ABCC8: variants seen among roughly 807,000 people sequenced by gnomAD.
ABCC8 encodes ATP binding cassette subfamily C member 8.
A neutral mutation model predicts 188.0 loss-of-function variants in ABCC8; 137 were observed. The observed-to-expected ratio is 0.73, with a 90% CI of 0.63 to 0.84. The LOEUF is 0.84. Ranked by LOEUF, ABCC8 falls within the 40% of genes least tolerant of loss-of-function variation. The pLI, the probability that ABCC8 is intolerant of heterozygous loss-of-function variation, is 0.00. For synonymous variants in ABCC8, 797 were observed against 846.5 expected (o/e 0.94, Z 1.01); for missense variants, 1,750 against 2,072.7 (o/e 0.84, Z 3.02).
chr11:17,396,708 A>G, intron 33 of ABCC8: 1 of 633,038 alleles, frequency 1.6e-6, no homozygotes, highest in Admixed American at 2.9e-5. Flanking sequence ...TGAGAAGACA[A>G]GGCCTGAGGG....
intron 10 of ABCC8, among the ~76,000 whole-genome samples, chr11:17,434,719 G>A (rs1956001558): frequency 6.6e-6 from 1 of 151,640 alleles, no homozygotes; most frequent in Non-Finnish European, 1.5e-5. Context: ...TATTTTTGTA[G>A]CTCCCTGAAC....
chr11:17,404,624 A>T lies in ABCC8; in HGVS notation c.3445T>A (p.Cys1149Ser), dbSNP rs1209920351. Reference sequence around the variant, plus strand: ...GAGATGACGGCCAGGGCTGAGACACAGAGCAGGGTGGAGCGGCTCAGGCAC... The same window carrying T: ...GAGATGACGGCCAGGGCTGAGACACTGAGCAGGGTGGAGCGGCTCAGGCAC... ...LECLSRSTLL[C>S]VSALAVISYV... The change falls in exon 28 of 39, where the codon TGT becomes AGT. Residue 1149 changes from cysteine to serine, a missense_variant. Physicochemically the swap from Cys to Ser is moderately radical, Grantham distance 112 (BLOSUM62 -1). Coordinates refer to ENST00000389817, the MANE Select transcript of ABCC8 (RefSeq NM_000352.6). The surrounding 1 kb of genome is among the most constrained non-coding windows in gnomAD (Gnocchi z 4.7). 6.2e-7 allele frequency: 1 copy of T among 1,613,628 alleles called. No homozygotes were observed. Among genetic ancestry groups the T allele is most frequent in the Non-Finnish European group, 8.5e-7 (1 of 1,179,914 alleles).
At chr11:17,442,906 G>A in intron 9 of ABCC8, 24 bp from the exon 10 acceptor site, 1 of 1,608,716 alleles carries the variant, frequency 6.2e-7, no homozygotes, top group African/African-American at 1.3e-5. Context: ...CGAGTCAGAG[G>A]GGAGAGGCTT....
intron 5 of ABCC8, chr11:17,461,321 C>T (rs959736584): frequency 3.7e-6 from 2 of 538,102 alleles, no homozygotes; most frequent in African/African-American, 1.9e-5. Context: ...TTCTCAGAGC[C>T]TCAGTTTCCC....
intron 10 of ABCC8, chr11:17,435,699 C>T: frequency 7.2e-7 from 1 of 1,381,152 alleles, no homozygotes; most frequent in South Asian, 1.2e-5. Context: ...CTACAGAGGA[C>T]AGTACAGTAA....
At chr11:17,435,578 G>A in intron 10 of ABCC8, 2 of 1,353,782 alleles carry the variant, frequency 1.5e-6, no homozygotes, top group Admixed American at 1.7e-5. Flanking sequence ...AACAAATAAG[G>A]AGAACTTTTC....
intron 29 of ABCC8, 131 bp from the exon 30 acceptor site, chr11:17,398,572 A>G: frequency 1.3e-6 from 2 of 1,524,524 alleles, no homozygotes; most frequent in Non-Finnish European, 1.8e-6. Flanking sequence ...CACTTCATGT[A>G]AGCTATCCCT....
chr11:17,432,059 TA>T, intron 11 of ABCC8, 144 bp downstream of exon 11: 2 of 1,182,282 alleles, frequency 1.7e-6, no homozygotes, highest in Non-Finnish European at 2.4e-6. Flanking sequence ...ACACCCTCTA[TA>T]AACTTTCGAT....
intron 8 of ABCC8, 166 bp from the exon 9 acceptor site, chr11:17,443,478 G>T: frequency 1.7e-6 from 2 of 1,159,234 alleles, no homozygotes; most frequent in Non-Finnish European, 2.4e-6. Flanking sequence ...GAGAAACAAA[G>T]CAATTTCAAA....
intron 8 of ABCC8, 179 bp from the exon 9 acceptor site, chr11:17,443,491 G>A (rs1956406530): frequency 1.0e-6 from 1 of 984,648 alleles, no homozygotes; most frequent in South Asian, 1.5e-5. Context: ...ATTTCAAAAG[G>A]AGGTTAGCAT....
At chr11:17,405,469 G>C (rs778326316) in intron 27 of ABCC8, 25 bp downstream of exon 27, 1 of 1,614,150 alleles carries the variant, frequency 6.2e-7, no homozygotes, top group Non-Finnish European at 8.5e-7. Flanking sequence ...TGGAAGGGGG[G>C]ATAGTGTGGC....
chr11:17,415,382 G>A (rs2133482411), intron 17 of ABCC8, 43 bp from the exon 18 acceptor site: 1 of 1,601,026 alleles, frequency 6.2e-7, no homozygotes, highest in Non-Finnish European at 8.5e-7. Flanking sequence ...TCATGGGAGT[G>A]AACCATATCC....
intron 17 of ABCC8, 24 bp downstream of exon 17, chr11:17,416,906 T>C (rs1366345116): frequency 6.2e-7 from 1 of 1,613,198 alleles, no homozygotes; most frequent in Admixed American, 1.7e-5. Context: ...GAGACCCACT[T>C]CTGACCCAGT....
At chr11:17,467,495 G>C (rs934908165) in intron 3 of ABCC8, among the ~76,000 whole-genome samples, 1 of 152,112 alleles carries the variant, frequency 6.6e-6, no homozygotes. Context: ...CTTCTGCCTT[G>C]GGGCCTTTGC....
intron 16 of ABCC8, among the ~76,000 whole-genome samples, chr11:17,418,047 C>T (rs965201233): frequency 1.3e-5 from 2 of 152,122 alleles, no homozygotes; most frequent in Non-Finnish European, 2.9e-5. Flanking sequence ...AGTGAGCCAC[C>T]GTGCTCAGCC....
chr11:17,398,397 G>A lies in ABCC8; in HGVS notation c.3695C>T (p.Ser1232Phe). Residue 1232 changes from serine (S) to phenylalanine (F), a missense_variant, in exon 30 of 39, where the codon TCC (serine) becomes TTC (phenylalanine). Ser to Phe is a radical substitution (Grantham distance 155). Coordinates refer to ENST00000389817, the MANE Select transcript of ABCC8 (RefSeq NM_000352.6). ...FQQKLLEYTD[S>F]NNIASLFLTA... ...GAGGAAGAGGGAAGCAATGTTGTTG[G>A]AGTCTGTGTATTCGAGAAGCTTCTG... 1 of 1,614,130 alleles carries A rather than the reference G, an allele frequency of 6.2e-7. No homozygotes were observed. The highest frequency in any genetic ancestry group is 8.5e-7 in the Non-Finnish European group (1 of 1,179,998).
chr11:17,438,707 G>A (rs1047135565), intron 10 of ABCC8, among the ~76,000 whole-genome samples: 4 of 152,138 alleles, frequency 2.6e-5, no homozygotes, highest in Non-Finnish European at 5.9e-5. Flanking sequence ...CTCCCACTTT[G>A]TCTTCTCCTC....
At chr11:17,399,572 G>T (rs1434556692) in intron 29 of ABCC8, among the ~76,000 whole-genome samples, 1 of 152,148 alleles carries the variant, frequency 6.6e-6, no homozygotes, top group African/African-American at 2.4e-5. Flanking sequence ...CCTCAGAGAG[G>T]CTCTTCCTGG....
At chr11:17,395,433 C>CT (rs1953863781) in intron 35 of ABCC8, 158 bp from the exon 36 acceptor site, 1 of 1,487,074 alleles carries the variant, frequency 6.7e-7, no homozygotes, top group Non-Finnish European at 9.0e-7. Flanking sequence ...CATCTTAGAC[C>CT]CATGGGTGGG....
Sources: gnomAD v4.1 joint callset for allele counts (sites outside exome capture counted in the v4.1 genomes callset) on GRCh38, gnomAD v4.1.1 for gene constraint, Gnocchi (gnomAD v3.1) non-coding constraint, MANE v1.5 for transcripts, NCBI Gene and HGNC (gene_info 2026-07-23, HGNC 2026-07-21) for gene names.